STRAP: variants seen among roughly 807,000 people sequenced by gnomAD.
STRAP encodes the protein serine-threonine kinase receptor-associated protein.
A neutral mutation model predicts 47.0 loss-of-function variants in STRAP; 16 were observed. The ratio of observed to expected loss-of-function variants is 0.34; its 90% CI spans 0.23 to 0.52. STRAP has a LOEUF of 0.52. Among genes scored for constraint, STRAP ranks in the 20% least tolerant of loss-of-function variants. STRAP has a pLI of 0.96. For missense variants in STRAP, 293 were observed against 420.0 expected, an observed-to-expected ratio of 0.70 and a Z score of 2.64; for synonymous variants, 130 against 142.7, an observed-to-expected ratio of 0.91 and a Z score of 0.63.
At chr12:15,886,595 A>C (rs1331217095) in intron 2 of STRAP, among the ~76,000 whole-genome samples, 1 of 152,056 alleles carries the variant, frequency 6.6e-6, no homozygotes, top group Non-Finnish European at 1.5e-5. Flanking sequence ...GCTAGTTGAG[A>C]TTTATCCCTC....
chr12:15,899,932 T>C lies in STRAP; in HGVS notation c.804T>C (p.Ile268=). ...CCTACAAGGGACACTTTGGTCCTAT[T>C]CACTGTGTGAGATTTAGTCCTGATG... ...LESYKGHFGP[I]HCVRFSPDGE... is the part of the protein sequence containing the mutation. The change falls in exon 8 of 10, where the codon ATT becomes ATC. Residue 268 remains isoleucine, a synonymous_variant. Transcript: ENST00000419869. The C allele has an allele frequency of 6.2e-7, 1 of 1,613,546 alleles. No homozygotes were observed. The highest frequency in any genetic ancestry group is 1.1e-5 in the South Asian group (1 of 91,038).
chr12:15,885,180 GTTTTTTT>G lies in STRAP; in HGVS notation c.248+1523_248+1529del, dbSNP rs749702060. 1.9e-4 allele frequency among the ~76,000 whole-genome samples: 19 copies of G among 99,572 alleles called. 1 individual carries two copies. Among genetic ancestry groups the G allele is most frequent in the African/African-American group, 8.1e-4 (19 of 23,354 alleles). The allele number at this position is 99,572 out of a possible 152,430, so 65.3% of individuals were successfully genotyped here. ...TAAGAGGCTAGAGAGTACAAGTGGT[GTTTTTTT>G]TTTTTTTTTTTTTTTTTTAAAGACA... On this transcript the variant is annotated intron_variant, in intron 2 of 9. Coordinates refer to ENST00000419869, the MANE Select transcript of STRAP (RefSeq NM_007178.4).
At position 15,894,479 on chromosome 12, in the gene STRAP, T is replaced by A. The variant is rs747699179; in HGVS notation, c.500+336T>A. The stretch of plus-strand genomic sequence containing the variant: ...CTCAAAAGAAAAACAAACTTAAAAT[T>A]TGCAAAATATTTTACCTTAGAGCTT... On this transcript the variant is annotated intron_variant, in intron 5 of 9. Transcript: ENST00000419869. The surrounding 1 kb of genome is among the most constrained non-coding windows in gnomAD (Gnocchi z 4.9). 5.3e-5 allele frequency among the ~76,000 whole-genome samples: 8 copies of A among 152,122 alleles called. No individual in the cohort carries two copies. Among genetic ancestry groups the A allele is most frequent in the South Asian group, 2.1e-4 (1 of 4,822 alleles).
chr12:15,882,775 G>A lies in STRAP; in HGVS notation c.68G>A (p.Ser23Asn), dbSNP rs761238306. The A allele has an allele frequency of 4.2e-5, 68 of 1,613,716 alleles. No homozygotes were observed. The highest frequency in any genetic ancestry group is 5.5e-5 in the Non-Finnish European group (65 of 1,180,000). ...CGACCCGTGGTTGATTTGGCCTTCAGTGGCATCACGCCTTATGGGTATTTC... is the reference window on the plus strand; with the variant it reads ...CGACCCGTGGTTGATTTGGCCTTCAATGGCATCACGCCTTATGGGTATTTC... ...HTRPVVDLAF[S>N]GITPYGYFLI... Residue 23 changes from serine (S) to asparagine (N), a missense_variant, in exon 1 of 10, where the codon AGT becomes AAT. Ser to Asn is a conservative substitution (Grantham distance 46). This residue lies in a region of STRAP where 31 missense variants were observed against 39.2 expected (regional missense o/e 0.79). Transcript: ENST00000419869.
At chr12:15,901,864 A>G (rs1378448560) in intron 9 of STRAP, among the ~76,000 whole-genome samples, 1 of 150,682 alleles carries the variant, frequency 6.6e-6, no homozygotes, top group East Asian at 1.9e-4. Context: ...CTGTCTCAAA[A>G]AAAAAAAAAA....
chr12:15,898,059 A>G (rs1315050975), intron 7 of STRAP, 41 bp downstream of exon 7: 2 of 1,558,234 alleles, frequency 1.3e-6, no homozygotes, highest in Non-Finnish European at 1.7e-6. Flanking sequence ...CCTTTATCAT[A>G]TGTTAAGTCC....
chr12:15,884,751 A>T (rs558334212), intron 2 of STRAP, among the ~76,000 whole-genome samples: 1 of 152,010 alleles, frequency 6.6e-6, no homozygotes, highest in South Asian at 2.1e-4. Context: ...CATACTGATT[A>T]TTGGTGTTTT....
At position 15,894,942 on chromosome 12, in the gene STRAP, GGAC is replaced by G. The variant is rs1462973449; in HGVS notation, c.501-416_501-414del. 6.6e-6 allele frequency among the ~76,000 whole-genome samples: 1 copy of G among 152,056 alleles called. No individual in the cohort carries two copies. The highest frequency in any genetic ancestry group is 1.5e-5 in the Non-Finnish European group (1 of 68,020). On this transcript the variant is annotated intron_variant, in intron 5 of 9. Coordinates refer to ENST00000419869, the MANE Select transcript of STRAP (RefSeq NM_007178.4). The surrounding 1 kb of genome is among the most constrained non-coding windows in gnomAD (Gnocchi z 4.9). The stretch of plus-strand genomic sequence containing the variant: ...CTGTGGGCAGAATGGTTAAAGGGAG[GGAC>G]CATGAAGCCTCTGAAATTCTATACA...
At position 15,903,179 on chromosome 12, in the gene STRAP, G is replaced by T; in HGVS notation, c.*201G>T. ...ACTCAAGTGTCAGATGAAGGGAGGT[G>T]GAGTTATCCTCTTATAGTACAGTGG... On this transcript the variant is annotated 3_prime_UTR_variant, in exon 10 of 10. Coordinates refer to ENST00000419869, the MANE Select transcript of STRAP (RefSeq NM_007178.4). The T allele has an allele frequency of 2.2e-6, 1 of 455,402 alleles. No individual in the cohort carries two copies. The highest frequency in any genetic ancestry group is 3.7e-6 in the Non-Finnish European group (1 of 267,280). 28.2% of individuals were successfully genotyped at this position (455,402 alleles called of 1,614,324 possible).
chr12:15,897,890 C>T lies in STRAP; in HGVS notation c.647C>T (p.Pro216Leu), dbSNP rs1364054432. Residue 216 changes from proline (P) to leucine (L), a missense_variant, in exon 7 of 10, where the codon CCA becomes CTA. Physicochemically the swap from Pro to Leu is moderately conservative, Grantham distance 98. Coordinates refer to ENST00000419869, the MANE Select transcript of STRAP (RefSeq NM_007178.4). ...CTTAAATTTTTTTTCAGTTTGGACC[C>T]AATTAAATCCTTTGAAGCTCCTGCA... Reference protein sequence around the residue: ...IAFHSAVSLDPIKSFEAPATI... With the variant: ...IAFHSAVSLDLIKSFEAPATI... 1.3e-6 allele frequency: 2 copies of T among 1,537,986 alleles called. No homozygotes were observed. Among genetic ancestry groups the T allele is most frequent in the South Asian group, 1.3e-5 (1 of 77,672 alleles).
At chr12:15,883,721 G>C (rs1191748808) in intron 2 of STRAP, 45 bp downstream of exon 2, 1 of 1,602,786 alleles carries the variant, frequency 6.2e-7, no homozygotes. Context: ...TCTGTAGCTT[G>C]TGTCCTGAAA....
At chr12:15,898,813 C>A (rs894803296) in intron 7 of STRAP, among the ~76,000 whole-genome samples, 3 of 152,044 alleles carry the variant, frequency 2.0e-5, no homozygotes, top group African/African-American at 4.8e-5. Flanking sequence ...CTGTTTCTAG[C>A]TGCCCTGCTT....
intron 6 of STRAP, 69 bp from the exon 7 acceptor site, chr12:15,897,813 C>A: frequency 8.8e-6 from 9 of 1,020,544 alleles, no homozygotes; most frequent in Non-Finnish European, 9.0e-6. Flanking sequence ...AATTTAAGAA[C>A]AGTTCAAATG....
intron 2 of STRAP, among the ~76,000 whole-genome samples, chr12:15,886,436 A>G (rs1947973329): frequency 6.6e-6 from 1 of 152,132 alleles, no homozygotes; most frequent in African/African-American, 2.4e-5. Flanking sequence ...TCTGCCCACC[A>G]TGGCAGGATG....
Position 15,894,126 on chromosome 12 carries a change from T to C in STRAP, c.483T>C (p.Ala161=). Residue 161 remains alanine (A), a synonymous_variant, in exon 5 of 10, where the codon GCT becomes GCC. Coordinates refer to ENST00000419869, the MANE Select transcript of STRAP (RefSeq NM_007178.4). This position sits in a 1 kb window ranked among gnomAD's most constrained non-coding sequence, Gnocchi z 4.9. ...WCSEDKQILS[A]DDKTVRLWDH... is the part of the protein sequence containing the mutation. The stretch of plus-strand genomic sequence containing the variant: ...GTGAGGATAAACAGATTCTTTCTGC[T>C]GATGACAAAACTGTTCGGTAAGTAA... 1.2e-6 allele frequency: 2 copies of C among 1,613,188 alleles called. No individual in the cohort carries two copies. Among genetic ancestry groups the C allele is most frequent in the African/African-American group, 1.3e-5 (1 of 75,022 alleles).
chr12:15,901,161 C>T (rs1565577980), intron 9 of STRAP, 149 bp downstream of exon 9: 3 of 521,676 alleles, frequency 5.8e-6, no homozygotes, highest in Non-Finnish European at 9.5e-6. Context: ...TGTATATATA[C>T]ATATTTATAA....
At chr12:15,893,322 T>A (rs141865085) in intron 4 of STRAP, among the ~76,000 whole-genome samples, 1 of 151,580 alleles carries the variant, frequency 6.6e-6, no homozygotes, top group African/African-American at 2.4e-5. Flanking sequence ...GAGTTAGCCA[T>A]AGTACTGCAA....
chr12:15,889,843 G>A lies in STRAP; in HGVS notation c.249-85G>A, dbSNP rs1948000289. 6.7e-6 allele frequency: 7 copies of A among 1,041,962 alleles called. 1 individual carries two copies. The South Asian group carries it at 1.0e-4, about 15-fold the overall frequency. The allele number at this position is 1,041,962 out of a possible 1,614,324, so 64.5% of individuals were successfully genotyped here. On this transcript the variant is annotated intron_variant, in intron 2 of 9. Transcript: ENST00000419869. The stretch of plus-strand genomic sequence containing the variant: ...ACATTTCACATATCTAACTTATTTG[G>A]TACTCATCAATATTATAATTGTATT...
At chr12:15,901,080 T>C in intron 9 of STRAP, 68 bp downstream of exon 9, 6 of 1,252,870 alleles carry the variant, frequency 4.8e-6, no homozygotes, top group South Asian at 1.8e-5. Context: ...AACAGAAGTT[T>C]TACTCATTGG....
Sources: allele counts gnomAD v4.1 joint callset (sites outside exome capture counted in the v4.1 genomes callset), GRCh38; gene constraint gnomAD v4.1.1; regional missense constraint gnomAD v4.1.1; non-coding constraint Gnocchi (gnomAD v3.1); transcripts MANE v1.5; gene names NCBI Gene and HGNC (gene_info 2026-07-23, HGNC 2026-07-21).